AKAP13: variants seen among roughly 807,000 people sequenced by gnomAD.
The protein encoded by AKAP13 is A-kinase anchoring protein 13, also known as A-kinase anchor protein 13.
AKAP13 carries 80 observed loss-of-function variants against 264.5 expected under a neutral mutation model. The ratio of observed to expected loss-of-function variants is 0.30; its 90% CI spans 0.25 to 0.36. The LOEUF is 0.36. Ranked by LOEUF, AKAP13 falls within the 10% of genes least tolerant of loss-of-function variation. The pLI is 1.00. For missense variants in AKAP13, 3,712 were observed against 3,435.2 expected (o/e 1.08, Z -2.01); for synonymous variants, 1,380 against 1,250.2 (o/e 1.10, Z -2.19).
At chr15:85,461,637 G>T (rs1010317174) in intron 1 of AKAP13, among the ~76,000 whole-genome samples, 3 of 152,066 alleles carry the variant, frequency 2.0e-5, no homozygotes, top group African/African-American at 4.8e-5. Flanking sequence ...TGGGGGAGGG[G>T]TGCAGGGAAG....
chr15:85,559,798 C>CCTA (rs56209829), intron 5 of AKAP13, among the ~76,000 whole-genome samples: 54,822 of 151,698 alleles, frequency 0.36, 10,097 homozygotes, highest in African/African-American at 0.42. Flanking sequence ...GCACTTACTT[C>CCTA]CTACTGTGTG....
intron 1 of AKAP13, among the ~76,000 whole-genome samples, chr15:85,479,876 A>G (rs1168613613): frequency 1.3e-5 from 2 of 152,098 alleles, no homozygotes; most frequent in Non-Finnish European, 2.9e-5. Context: ...GTACATCTGG[A>G]TACATTCTCA....
At position 85,546,321 on chromosome 15, in the gene AKAP13, AACACACAC is replaced by A. The variant is rs60271542; in HGVS notation, c.662+2398_662+2405del. Among the ~76,000 whole-genome samples, 209 of 145,282 alleles carry A rather than the reference AACACACAC, an allele frequency of 1.4e-3. 1 individual carries two copies. Among genetic ancestry groups the A allele is most frequent in the African/African-American group, 2.0e-3 (80 of 39,388 alleles). ...TAAATTTATATAATTGTTGTTACCAAACACACACACACACACACACACACACACACACA... is the reference window on the plus strand; with the variant it reads ...TAAATTTATATAATTGTTGTTACCAAACACACACACACACACACACACACA... On this transcript the variant is annotated intron_variant, in intron 5 of 36. Transcript: ENST00000394518.
At chr15:85,661,305 G>C (rs1025554153) in intron 12 of AKAP13, among the ~76,000 whole-genome samples, 1 of 152,092 alleles carries the variant, frequency 6.6e-6, no homozygotes, top group Non-Finnish European at 1.5e-5. Context: ...ACCGCTACTG[G>C]GATATTCAAG....
intron 1 of AKAP13, among the ~76,000 whole-genome samples, chr15:85,423,227 G>A (rs1272625051): frequency 1.3e-5 from 2 of 152,188 alleles, no homozygotes; most frequent in Non-Finnish European, 2.9e-5. Context: ...TTGCTGCATT[G>A]ATTGACTCTC....
At chr15:85,653,326 G>T (rs2082948284) in intron 10 of AKAP13, among the ~76,000 whole-genome samples, 1 of 152,178 alleles carries the variant, frequency 6.6e-6, no homozygotes, top group Admixed American at 6.5e-5. Flanking sequence ...GTTGAAATCA[G>T]CCTGGGTTCA....
At chr15:85,634,982 A>C (rs759748720) in intron 8 of AKAP13, 29 of 396,964 alleles carry the variant, frequency 7.3e-5, no homozygotes, top group Non-Finnish European at 1.2e-4. Context: ...TTTGATGGCA[A>C]TCTGGACTGT....
rs1401178599 is a variant in AKAP13 at position 85,457,099 on chromosome 15, G to A, written c.-11-28611G>A. Among the ~76,000 whole-genome samples, 6 of 152,256 alleles carry A rather than the reference G, an allele frequency of 3.9e-5. No individual in the cohort carries two copies. In the East Asian group the frequency reaches 1.2e-3, roughly 29 times the overall value. On this transcript the variant is annotated intron_variant, in intron 1 of 36. Coordinates refer to ENST00000394518, the MANE Select transcript of AKAP13 (RefSeq NM_007200.5). The stretch of plus-strand genomic sequence containing the variant: ...AGTAACTTGAACCTGTAAAGTGAAG[G>A]TTGAATGAATTGCCCCAGACCTCAT...
intron 16 of AKAP13, among the ~76,000 whole-genome samples, chr15:85,687,757 G>A (rs986730658): frequency 6.6e-6 from 1 of 151,974 alleles, no homozygotes; most frequent in African/African-American, 2.4e-5. Flanking sequence ...TTAAAAGGTG[G>A]GGGTGGGGCA....
intron 1 of AKAP13, among the ~76,000 whole-genome samples, chr15:85,473,384 C>G (rs1371680646): frequency 2.0e-5 from 3 of 152,118 alleles, no homozygotes; most frequent in African/African-American, 7.2e-5. Flanking sequence ...GGAAATAATT[C>G]AATTCAGCAA....
chr15:85,713,370 C>G (rs1258393556), intron 19 of AKAP13, among the ~76,000 whole-genome samples: 1 of 152,098 alleles, frequency 6.6e-6, no homozygotes, highest in Non-Finnish European at 1.5e-5. Flanking sequence ...TTCCATGGTT[C>G]TTCTCATCAG....
chr15:85,644,082 T>TA (rs908112910), intron 9 of AKAP13, among the ~76,000 whole-genome samples: 4 of 152,154 alleles, frequency 2.6e-5, no homozygotes, highest in Non-Finnish European at 5.9e-5. Context: ...AACCTCCAAG[T>TA]AGAGTTCTCT....
chr15:85,715,761 G>C, intron 19 of AKAP13, 27 bp from the exon 20 acceptor site: 1 of 1,590,822 alleles, frequency 6.3e-7, no homozygotes, highest in East Asian at 2.3e-5. Context: ...GATGGGTGAT[G>C]CTTCAGTTAG....
At chr15:85,518,298 A>G (rs116203089) in intron 2 of AKAP13, among the ~76,000 whole-genome samples, 1 of 152,204 alleles carries the variant, frequency 6.6e-6, no homozygotes, top group African/African-American at 2.4e-5. Context: ...ACCTGGTTCT[A>G]CTGGAGTAAA....
chr15:85,716,314 TG>T (rs758067342), intron 20 of AKAP13, among the ~76,000 whole-genome samples: 12 of 152,200 alleles, frequency 7.9e-5, no homozygotes, highest in Non-Finnish European at 1.5e-4. Flanking sequence ...TAAACCTGGT[TG>T]TTTTGTTTCT....
intron 7 of AKAP13, chr15:85,582,826 C>T (rs1023496622): frequency 6.1e-6 from 6 of 978,738 alleles, no homozygotes; most frequent in Non-Finnish European, 7.3e-6. Flanking sequence ...GATTTCCGCC[C>T]AAGCCCAGTC....
In AKAP13 at chr15:85,746,575, T is replaced by C. The variant is rs1311511045; in HGVS notation, c.*1898T>C. ...CTTTGCCTTTTTCTGTCATGGAGAA[T>C]ACTCACCCTTCAGAAACAGACCAAA... On this transcript the variant is annotated 3_prime_UTR_variant, in exon 37 of 37. Transcript: ENST00000394518. 1 of 152,066 alleles carries C rather than the reference T, an allele frequency of 6.6e-6. No individual in the cohort carries two copies. The highest frequency in any genetic ancestry group is 2.4e-5 in the African/African-American group (1 of 41,382). The allele number at this position is 152,066 out of a possible 1,614,324, so 9.4% of individuals were successfully genotyped here.
At chr15:85,662,767 C>G (rs986207829) in intron 12 of AKAP13, among the ~76,000 whole-genome samples, 2 of 152,180 alleles carry the variant, frequency 1.3e-5, no homozygotes, top group African/African-American at 4.8e-5. Context: ...CCGAAGAAAA[C>G]AATCAAAGAA....
At chr15:85,485,671 C>G in intron 1 of AKAP13, 39 bp from the exon 2 acceptor site, 1 of 1,597,294 alleles carries the variant, frequency 6.3e-7, no homozygotes, top group Non-Finnish European at 8.6e-7. Flanking sequence ...TCGGTGACAA[C>G]TTTTAATTTT....
Sources: allele counts gnomAD v4.1 joint callset (sites outside exome capture counted in the v4.1 genomes callset), GRCh38; gene constraint gnomAD v4.1.1; transcripts MANE v1.5; gene names NCBI Gene and HGNC (gene_info 2026-07-23, HGNC 2026-07-21).